The following COL4A5 variants were observed in gnomAD, a reference collection of about 807,000 sequenced individuals.
COL4A5 encodes collagen type IV alpha 5 chain.
In COL4A5, 26 loss-of-function variants were observed where a neutral mutation model predicts 130.2. The ratio of observed to expected loss-of-function variants is 0.20; its 90% CI spans 0.15 to 0.28. The LOEUF is 0.28. Among genes scored for constraint, COL4A5 ranks in the 10% least tolerant of loss-of-function variants. The probability of loss-of-function intolerance (pLI) is 1.00; values close to 1 mark genes in which losing one functional copy is unlikely to be tolerated. For missense variants in COL4A5, 1,131 were observed against 1,344.3 expected, an observed-to-expected ratio of 0.84 and a Z score of 2.48; for synonymous variants, 496 against 439.6, an observed-to-expected ratio of 1.13 and a Z score of -1.60.
chrX:108,608,590 A>G (rs2066775018), intron 29 of COL4A5, among the ~76,000 whole-genome samples: 2 of 111,223 alleles, frequency 1.8e-5, no homozygotes, highest in Non-Finnish European at 3.8e-5. Flanking sequence ...CAACAACAAT[A>G]TACTTCTCTC....
At chrX:108,530,466 G>A (rs1156325613) in intron 1 of COL4A5, among the ~76,000 whole-genome samples, 2 of 106,994 alleles carry the variant, frequency 1.9e-5, no homozygotes, top group African/African-American at 6.8e-5. Context: ...TCTGACAAAG[G>A]GCTAATATAC....
At chrX:108,604,958 A>G (rs1371279805) in intron 28 of COL4A5, among the ~76,000 whole-genome samples, 1 of 112,112 alleles carries the variant, frequency 8.9e-6, no homozygotes, top group Non-Finnish European at 1.9e-5. Context: ...AGATAATTGA[A>G]GTTAGGGCCT....
intron 39 of COL4A5, among the ~76,000 whole-genome samples, 199 bp from the exon 40 acceptor site, chrX:108,666,934 C>T (rs913755118): frequency 2.7e-5 from 3 of 111,892 alleles, no homozygotes; most frequent in African/African-American, 6.5e-5. Context: ...TAACATTCAT[C>T]GGAAATAGAA....
At chrX:108,655,927 G>A (rs754910704) in intron 37 of COL4A5, among the ~76,000 whole-genome samples, 1 of 112,294 alleles carries the variant, frequency 8.9e-6, no homozygotes, top group Admixed American at 9.4e-5. Flanking sequence ...TATGTAGCCT[G>A]AACTAGATTA....
chrX:108,588,787 T>TCA (rs1379404589), intron 19 of COL4A5, among the ~76,000 whole-genome samples: 2 of 111,430 alleles, frequency 1.8e-5, no homozygotes, highest in Non-Finnish European at 3.8e-5. Context: ...AAAAGGCCAA[T>TCA]CACCTACAAA....
intron 1 of COL4A5, among the ~76,000 whole-genome samples, chrX:108,508,557 C>CAAAAAAAAAAA (rs1182036182): frequency 6.4e-3 from 243 of 38,041 alleles, no homozygotes; most frequent in Non-Finnish European, 7.2e-3. Context: ...CATGTAGGAC[C>CAAAAAAAAAAA]AAAAAAAAAA....
At chrX:108,670,070 G>C (rs2068169189) in intron 41 of COL4A5, 158 bp from the exon 42 acceptor site, 1 of 571,077 alleles carries the variant, frequency 1.8e-6, no homozygotes, top group Admixed American at 3.5e-5. Flanking sequence ...CAGATGCATG[G>C]ATATGAACTT....
chrX:108,613,980 T>C (rs754815803), intron 29 of COL4A5, among the ~76,000 whole-genome samples: 6 of 111,888 alleles, frequency 5.4e-5, no homozygotes, highest in Non-Finnish European at 1.1e-4. Context: ...ACAGTGTTCA[T>C]AGCAGCTTAA....
At chrX:108,613,583 ACAAC>A (rs1196460747) in intron 29 of COL4A5, among the ~76,000 whole-genome samples, 1 of 112,302 alleles carries the variant, frequency 8.9e-6, no homozygotes, top group Non-Finnish European at 1.9e-5. Context: ...AAGAAAACAA[ACAAC>A]CAACTTTTAA....
intron 42 of COL4A5, among the ~76,000 whole-genome samples, chrX:108,672,046 A>G (rs763925929): frequency 2.7e-5 from 3 of 112,067 alleles, no homozygotes; most frequent in South Asian, 7.5e-4. Flanking sequence ...TTAGGTGTCT[A>G]TTCTACAGGG....
intron 42 of COL4A5, among the ~76,000 whole-genome samples, chrX:108,673,666 T>A: frequency 9.2e-6 from 1 of 109,068 alleles, no homozygotes. Flanking sequence ...TATTTTTGTG[T>A]TCAATGTTGT....
In COL4A5 at chrX:108,597,387, G is replaced by T. The variant is rs281874672; in HGVS notation, c.1598G>T (p.Gly533Val). ...TGPKGLPGIP[G>V]APGAPGFPGS... ...CCTTACTCATTTCAGGGCATTCCAG[G>T]AGCTCCAGGTGCTCCAGGCTTTCCT... The change falls in exon 24 of 53, where the codon GGA becomes GTA. Residue 533 changes from glycine (G) to valine (V), a missense_variant. Physicochemically the swap from Gly to Val is moderately radical, Grantham distance 109 (BLOSUM62 -3). Transcript: ENST00000328300. 1 of 1,206,526 alleles carries T rather than the reference G, an allele frequency of 8.3e-7. No homozygotes were observed. Among genetic ancestry groups the T allele is most frequent in the Non-Finnish European group, 1.1e-6 (1 of 893,599 alleles).
At chrX:108,474,445 C>T (rs984149118) in intron 1 of COL4A5, among the ~76,000 whole-genome samples, 3 of 111,558 alleles carry the variant, frequency 2.7e-5, no homozygotes, top group Non-Finnish European at 3.8e-5. Flanking sequence ...TACTATGTAG[C>T]GTAGGAATAT....
intron 2 of COL4A5, 77 bp from the exon 3 acceptor site, chrX:108,558,987 G>C (rs911835819): frequency 5.1e-6 from 4 of 791,730 alleles, no homozygotes; most frequent in Non-Finnish European, 7.8e-6. Flanking sequence ...ATAGTCATGT[G>C]ATCTTTTTGA....
intron 51 of COL4A5, 74 bp downstream of exon 51, chrX:108,694,995 G>C: frequency 1.2e-6 from 1 of 825,572 alleles, no homozygotes; most frequent in Non-Finnish European, 1.8e-6. Context: ...CCCAATATGA[G>C]GAATCCCTGT....
intron 1 of COL4A5, among the ~76,000 whole-genome samples, chrX:108,524,537 A>T (rs1360447490): frequency 9.3e-6 from 1 of 107,613 alleles, no homozygotes; most frequent in African/African-American, 3.4e-5. Flanking sequence ...CCTTCTTTCT[A>T]CTTGTTTTGG....
chrX:108,443,167 A>G (rs937102627), intron 1 of COL4A5: 6 of 112,053 alleles, frequency 5.4e-5, no homozygotes, highest in Non-Finnish European at 1.1e-4. Flanking sequence ...GAGAAGCAGC[A>G]TGGTGTAATG....
chrX:108,617,597 T>C (rs2066953460), intron 30 of COL4A5, among the ~76,000 whole-genome samples: 1 of 112,203 alleles, frequency 8.9e-6, no homozygotes, highest in Admixed American at 9.4e-5. Flanking sequence ...GCCAAAGGAC[T>C]AGAAACAAAA....
chrX:108,547,973 G>A (rs1161482319), intron 2 of COL4A5, among the ~76,000 whole-genome samples: 1 of 112,033 alleles, frequency 8.9e-6, no homozygotes, highest in Non-Finnish European at 1.9e-5. Flanking sequence ...CAGTATTAGG[G>A]TGGGAGTGAC....
Sources: allele counts gnomAD v4.1 joint callset (sites outside exome capture counted in the v4.1 genomes callset), GRCh38; gene constraint gnomAD v4.1.1; transcripts MANE v1.5; gene names NCBI Gene and HGNC (gene_info 2026-07-23, HGNC 2026-07-21).